Variants in PIWIL3 observed in about 807,000 individuals in gnomAD.
PIWIL3 encodes piwi like RNA-mediated gene silencing 3.
PIWIL3 carries 101 observed loss-of-function variants against 109.7 expected under a neutral mutation model. That is an observed-to-expected ratio of 0.92 (90% CI 0.78 to 1.09). The LOEUF is 1.09. Among genes scored for constraint, PIWIL3 ranks in the 50% least tolerant of loss-of-function variants. The pLI, the probability that PIWIL3 is intolerant of heterozygous loss-of-function variation, is 0.00. For missense variants in PIWIL3, 1,031 were observed against 1,072.6 expected, an observed-to-expected ratio of 0.96 and a Z score of 0.54; for synonymous variants, 373 against 376.4, an observed-to-expected ratio of 0.99 and a Z score of 0.10.
Position 24,723,153 on chromosome 22 carries a change from A to G in PIWIL3, c.2334T>C (p.Asp778=), listed in dbSNP as rs79268195. The G allele has an allele frequency of 1.1e-3, 1,855 of 1,613,474 alleles. 13 individuals are homozygous for G. In the African/African-American group the frequency reaches 0.019, roughly 16 times the overall value. Residue 778 remains aspartate (D), a synonymous_variant, in exon 19 of 21, where the codon GAT becomes GAC. Transcript: ENST00000616349. ...FQNPPPGTVI[D]VELTRNEWYD... ...ACCATTCATTCCTAGTCAACTCTAC[A>G]TCAATAACTGTTCCTGGAGGTGGAT...
chr22:24,739,779 G>A (rs780999490), intron 12 of PIWIL3, among the ~76,000 whole-genome samples: 2 of 152,114 alleles, frequency 1.3e-5, no homozygotes, highest in East Asian at 3.9e-4. Flanking sequence ...GGCCGGGGGC[G>A]GTGGCTCATG....
intron 18 of PIWIL3, among the ~76,000 whole-genome samples, chr22:24,723,743 C>T (rs1054958462): frequency 3.3e-5 from 5 of 151,522 alleles, no homozygotes; most frequent in African/African-American, 7.3e-5. Flanking sequence ...GGTGTGATCT[C>T]GGCTCACTGC....
intron 19 of PIWIL3, among the ~76,000 whole-genome samples, chr22:24,720,214 G>A (rs951255827): frequency 3.4e-5 from 5 of 148,062 alleles, no homozygotes; most frequent in African/African-American, 1.2e-4. Flanking sequence ...ATTCTTGGAT[G>A]AAGGCCTGCT....
intron 1 of PIWIL3, among the ~76,000 whole-genome samples, chr22:24,768,173 C>T (rs1006008674): frequency 2.6e-5 from 4 of 152,036 alleles, no homozygotes; most frequent in Non-Finnish European, 5.9e-5. Context: ...TGTTTTGTGA[C>T]CATCACAAAA....
chr22:24,725,598 A>ATTAC lies in PIWIL3; in HGVS notation c.2010-87_2010-84dup, dbSNP rs2147649575. 6.1e-6 allele frequency: 8 copies of ATTAC among 1,315,540 alleles called. No homozygotes were observed. In the South Asian group the frequency reaches 9.5e-5, roughly 16 times the overall value. 81.5% of individuals were successfully genotyped at this position (1,315,540 alleles called of 1,614,324 possible). A position where few individuals can be genotyped will look rare whatever the true frequency, so the allele number is the denominator to read the frequency against. On this transcript the variant is annotated intron_variant, in intron 16 of 20. Coordinates refer to ENST00000616349, the MANE Select transcript of PIWIL3 (RefSeq NM_001255975.1). ...CTGCATTAATCTATGGGCAAAAAATATTACTATCAGTAGTTAAGGACATTT... is the reference window on the plus strand; with the variant it reads ...CTGCATTAATCTATGGGCAAAAAATATTACTTACTATCAGTAGTTAAGGACATTT...
chr22:24,751,618 T>G (rs1351523856), intron 8 of PIWIL3, 120 bp from the exon 9 acceptor site: 1 of 1,476,178 alleles, frequency 6.8e-7, no homozygotes, highest in Non-Finnish European at 9.0e-7. Context: ...TTACTTAAGA[T>G]GTAATTCACA....
chr22:24,749,952 T>C, intron 9 of PIWIL3, 133 bp from the exon 10 acceptor site: 2 of 1,163,736 alleles, frequency 1.7e-6, no homozygotes, highest in Non-Finnish European at 1.2e-6. Context: ...GTTCCCCAAG[T>C]TTAATAGTGT....
At chr22:24,723,094 T>C (rs1922770780) in intron 19 of PIWIL3, 36 bp downstream of exon 19, 1 of 1,596,064 alleles carries the variant, frequency 6.3e-7, no homozygotes. Flanking sequence ...ATTGAGAAAA[T>C]CATAGAACCA....
At chr22:24,766,443 C>T (rs529312059) in intron 1 of PIWIL3, among the ~76,000 whole-genome samples, 33 of 152,154 alleles carry the variant, frequency 2.2e-4, no homozygotes, top group East Asian at 1.4e-3. Context: ...CTCAGCCTCC[C>T]GAGTAGCTGG....
intron 14 of PIWIL3, among the ~76,000 whole-genome samples, chr22:24,732,357 T>C (rs912480300): frequency 1.3e-5 from 2 of 152,222 alleles, no homozygotes; most frequent in Admixed American, 6.5e-5. Flanking sequence ...CATAAGATTG[T>C]GGACACGCTT....
chr22:24,726,216 T>C (rs919166013), intron 16 of PIWIL3, among the ~76,000 whole-genome samples: 3 of 152,114 alleles, frequency 2.0e-5, no homozygotes, highest in Admixed American at 2.0e-4. Context: ...GGGTTTGGAG[T>C]ATGTAATTGT....
chr22:24,758,572 G>A (rs938130027), intron 3 of PIWIL3, among the ~76,000 whole-genome samples: 3 of 152,190 alleles, frequency 2.0e-5, no homozygotes, highest in African/African-American at 7.2e-5. Context: ...GTCTTTCAGT[G>A]ACGAGAGGCA....
intron 3 of PIWIL3, among the ~76,000 whole-genome samples, chr22:24,759,459 T>A (rs1192603921): frequency 1.3e-5 from 2 of 152,196 alleles, no homozygotes; most frequent in Non-Finnish European, 2.9e-5. Context: ...TGAGCCTGTG[T>A]GCATGAGTGC....
At chr22:24,770,691 C>T (rs962454166) in intron 1 of PIWIL3, among the ~76,000 whole-genome samples, 4 of 149,960 alleles carry the variant, frequency 2.7e-5, no homozygotes, top group Admixed American at 6.7e-5. Context: ...AAAAATTAGC[C>T]GGGCATGGTG....
intron 14 of PIWIL3, among the ~76,000 whole-genome samples, chr22:24,731,645 C>T (rs541838308): frequency 4.1e-5 from 6 of 147,012 alleles, no homozygotes; most frequent in Non-Finnish European, 7.4e-5. Flanking sequence ...AGTGAGACTC[C>T]GTCCAAAAAA....
chr22:24,740,116 G>A (rs1054442101), intron 12 of PIWIL3, among the ~76,000 whole-genome samples: 30 of 150,084 alleles, frequency 2.0e-4, no homozygotes, highest in African/African-American at 7.4e-4. Flanking sequence ...CTACTCAGGA[G>A]GCTGAGGCAG....
intron 14 of PIWIL3, among the ~76,000 whole-genome samples, chr22:24,729,372 T>C (rs111240256): frequency 4.7e-4 from 72 of 152,278 alleles, no homozygotes; most frequent in African/African-American, 1.7e-3. Flanking sequence ...TCATTGACCC[T>C]AGACAGCTTC....
chr22:24,746,645 A>AC (rs894013470), intron 12 of PIWIL3, among the ~76,000 whole-genome samples: 5 of 151,766 alleles, frequency 3.3e-5, no homozygotes, highest in East Asian at 1.9e-4. Context: ...AAAAAAAAAA[A>AC]ACATAGAACT....
At chr22:24,748,854 C>T (rs568987905) in intron 12 of PIWIL3, 53 bp downstream of exon 12, 25 of 1,427,892 alleles carry the variant, frequency 1.8e-5, no homozygotes, top group Admixed American at 1.7e-4. Flanking sequence ...TTCCTTTTTG[C>T]TTTACTCTTC....
Sources: gnomAD v4.1 joint callset for allele counts (sites outside exome capture counted in the v4.1 genomes callset) on GRCh38, gnomAD v4.1.1 for gene constraint, MANE v1.5 for transcripts, NCBI Gene and HGNC (gene_info 2026-07-23, HGNC 2026-07-21) for gene names.